The following S100A10 variants were observed in gnomAD, a reference collection of about 807,000 sequenced individuals.
The protein encoded by S100A10 is S100 calcium binding protein A10.
S100A10 carries 3 observed loss-of-function variants against 7.1 expected under a neutral mutation model. That is an observed-to-expected ratio of 0.42 (90% CI 0.19 to 1.10). S100A10 has a LOEUF of 1.10. S100A10 is among the 50% of genes least tolerant of loss of function. S100A10 has a pLI of 0.29. For missense variants in S100A10, 101 were observed against 118.1 expected (o/e 0.86, Z 0.67); for synonymous variants, 41 against 39.3 (o/e 1.04, Z -0.16).
intron 2 of S100A10, chr1:151,984,137 G>C (rs1386451005): frequency 6.6e-6 from 1 of 152,168 alleles, no homozygotes; most frequent in Non-Finnish European, 1.5e-5. Context: ...GTAAGGTGTG[G>C]TTTTTCCTGT....
chr1:151,992,892 T>C (rs1055170456), intron 1 of S100A10, among the ~76,000 whole-genome samples: 1 of 152,084 alleles, frequency 6.6e-6, no homozygotes, highest in African/African-American at 2.4e-5. Context: ...GGCAGCAGTG[T>C]CCACGGCTAG....
At chr1:151,989,867 T>A (rs1473457206) in intron 1 of S100A10, among the ~76,000 whole-genome samples, 2 of 152,228 alleles carry the variant, frequency 1.3e-5, no homozygotes, top group Non-Finnish European at 2.9e-5. Context: ...TAGACACATT[T>A]TGACAGGAGG....
At chr1:151,984,863 A>ACCTGCC (rs1655760818) in intron 2 of S100A10, among the ~76,000 whole-genome samples, 1 of 152,180 alleles carries the variant, frequency 6.6e-6, no homozygotes, top group Non-Finnish European at 1.5e-5. Context: ...AGCTGAAGCA[A>ACCTGCC]CCTGCCCATT....
chr1:151,993,219 C>T lies in S100A10; in HGVS notation c.-22+533G>A, dbSNP rs1421395566. Among the ~76,000 whole-genome samples the T allele has an allele frequency of 6.6e-6, 1 of 152,186 alleles. No homozygotes were observed. Among genetic ancestry groups the T allele is most frequent in the Non-Finnish European group, 1.5e-5 (1 of 68,028 alleles). ...AACAGGAAGCCCCGACCAGAAACGC[C>T]TGTTTGGCCGACGGACTAAGGGTTA... On this transcript the variant is annotated intron_variant, in intron 1 of 2. Transcript: ENST00000368811. This position sits in a 1 kb window ranked among gnomAD's most constrained non-coding sequence, Gnocchi z 5.1.
chr1:151,991,195 G>A (rs555109374), intron 1 of S100A10, among the ~76,000 whole-genome samples: 1 of 152,218 alleles, frequency 6.6e-6, no homozygotes, highest in African/African-American at 2.4e-5. Flanking sequence ...TAGAAATTTT[G>A]GAGTTTTTAA....
chr1:151,989,787 C>T (rs1341547717), intron 1 of S100A10, among the ~76,000 whole-genome samples: 1 of 152,190 alleles, frequency 6.6e-6, no homozygotes, highest in Non-Finnish European at 1.5e-5. Flanking sequence ...TTCAATCTGG[C>T]ATTTCCACCC....
chr1:151,993,399 C>T lies in S100A10; in HGVS notation c.-22+353G>A, dbSNP rs1456481985. Among the ~76,000 whole-genome samples, 2 of 152,048 alleles carry T rather than the reference C, an allele frequency of 1.3e-5. No individual in the cohort carries two copies. The highest frequency in any genetic ancestry group is 4.8e-5 in the African/African-American group (2 of 41,396). On this transcript the variant is annotated intron_variant, in intron 1 of 2. Transcript: ENST00000368811. This position sits in a 1 kb window ranked among gnomAD's most constrained non-coding sequence, Gnocchi z 5.1. ...GGGGCGTGTAGGAGGGATTCGGTAA[C>T]CCGAGAGACGAGTGGGAAAGTAGGA...
chr1:151,989,921 C>T (rs1352799256), intron 1 of S100A10, among the ~76,000 whole-genome samples: 1 of 152,198 alleles, frequency 6.6e-6, no homozygotes, highest in African/African-American at 2.4e-5. Context: ...CTCTCTATCC[C>T]CAATAACGTA....
At chr1:151,985,136 T>G (rs1572107789) in intron 2 of S100A10, 1 of 152,920 alleles carries the variant, frequency 6.5e-6, no homozygotes, top group East Asian at 1.9e-4. Flanking sequence ...ACCAGTCAGA[T>G]GACAAGAGGC....
At position 151,983,315 on chromosome 1, in the gene S100A10, CT is replaced by C; in HGVS notation, c.141del (p.Asp48ThrfsTer8). The C allele has an allele frequency of 6.5e-7, 1 of 1,533,138 alleles. No homozygotes were observed. The highest frequency in any genetic ancestry group is 8.7e-7 in the Non-Finnish European group (1 of 1,145,944). The allele number at this position is 1,533,138 out of a possible 1,614,324, so 95.0% of individuals were successfully genotyped here. ...KEFPGFLENQ[K>X]DPLAVDKIMK... ...ATTATTTTGTCCACAGCCAGAGGGT[CT>C]TTTTGATTCTGAAAAAAAAAAGAAC... On this transcript the variant is annotated frameshift_variant, in exon 3 of 3. Coordinates refer to ENST00000368811, the MANE Select transcript of S100A10 (RefSeq NM_002966.3). LOFTEE classifies it high-confidence loss of function.
chr1:151,988,192 T>G (rs1465440742), intron 1 of S100A10, among the ~76,000 whole-genome samples: 1 of 152,212 alleles, frequency 6.6e-6, no homozygotes, highest in Non-Finnish European at 1.5e-5. Flanking sequence ...AGAACCTCAG[T>G]GAATTTTGGC....
intron 1 of S100A10, among the ~76,000 whole-genome samples, chr1:151,990,310 C>CAAGG (rs1239628921): frequency 1.3e-5 from 2 of 152,244 alleles, no homozygotes; most frequent in East Asian, 3.8e-4. Flanking sequence ...CATGACTGTG[C>CAAGG]TCCTTCTCTT....
intron 1 of S100A10, among the ~76,000 whole-genome samples, chr1:151,986,763 T>C (rs1655799467): frequency 1.3e-5 from 2 of 152,240 alleles, no homozygotes; most frequent in African/African-American, 4.8e-5. Context: ...TTACATTAAC[T>C]TTTAAGCCAT....
intron 2 of S100A10, 26 bp from the exon 3 acceptor site, chr1:151,983,350 G>A: frequency 6.7e-7 from 1 of 1,482,308 alleles, no homozygotes. Context: ...ACAAAGGCAA[G>A]AAATAGAAGT....
rs762941945 is a variant in S100A10, at chr1:151,983,145, C to T, written c.*18G>A. 4.8e-5 allele frequency: 74 copies of T among 1,530,158 alleles called. No individual in the cohort carries two copies. In the East Asian group the frequency reaches 1.1e-3, roughly 23 times the overall value. 94.8% of individuals were successfully genotyped at this position (1,530,158 alleles called of 1,614,324 possible). A position where few individuals can be genotyped will look rare whatever the true frequency, so the allele number is the denominator to read the frequency against. On this transcript the variant is annotated 3_prime_UTR_variant, in exon 3 of 3. Coordinates refer to ENST00000368811, the MANE Select transcript of S100A10 (RefSeq NM_002966.3). ...TGGGACAACTCTTATCAGGGAGGAG[C>T]GAACTGCTCATTTCTGCCTACTTCT... is the stretch of plus-strand genomic sequence containing the variant.
rs12083193 is a variant in S100A10, at chr1:151,990,213, G to T, written c.-22+3539C>A. ...GCCCCAAAAGTGTTCAACTATGAAC[G>T]GAACAGTAGATAGAGTACACAGGAG... On this transcript the variant is annotated intron_variant, in intron 1 of 2. Transcript: ENST00000368811. Among the ~76,000 whole-genome samples, 4 of 152,140 alleles carry T rather than the reference G, an allele frequency of 2.6e-5. No individual in the cohort carries two copies. In the South Asian group the frequency reaches 6.2e-4, roughly 24 times the overall value.
chr1:151,988,592 C>A (rs1232641341), intron 1 of S100A10, among the ~76,000 whole-genome samples: 2 of 152,190 alleles, frequency 1.3e-5, no homozygotes, highest in African/African-American at 4.8e-5. Context: ...CCAAAGAATG[C>A]TATAAATCAG....
intron 2 of S100A10, chr1:151,984,296 T>C (rs764115459): frequency 6.6e-6 from 1 of 152,190 alleles, no homozygotes; most frequent in Non-Finnish European, 1.5e-5. Flanking sequence ...GTTTCTAAAT[T>C]GCACTCAGAA....
At chr1:151,990,695 G>A (rs936624508) in intron 1 of S100A10, among the ~76,000 whole-genome samples, 52 of 152,060 alleles carry the variant, frequency 3.4e-4, no homozygotes, top group Non-Finnish European at 7.4e-5. Context: ...ATACACACAT[G>A]CACACACACA....
Sources: allele counts gnomAD v4.1 joint callset (sites outside exome capture counted in the v4.1 genomes callset), GRCh38; gene constraint gnomAD v4.1.1; non-coding constraint Gnocchi (gnomAD v3.1); transcripts MANE v1.5; gene names NCBI Gene and HGNC (gene_info 2026-07-23, HGNC 2026-07-21).